The following SCYL3 variants were observed in gnomAD, a reference collection of about 807,000 sequenced individuals.
SCYL3 encodes SCY1 like pseudokinase 3, also known as protein-associating with the carboxyl-terminal domain of ezrin.
A neutral mutation model predicts 73.8 loss-of-function variants in SCYL3; 35 were observed. The observed-to-expected ratio is 0.47, with a 90% CI of 0.36 to 0.63. The LOEUF is 0.63. Ranked by LOEUF, SCYL3 falls within the 20% of genes least tolerant of loss-of-function variation. The pLI is 0.00. For missense variants in SCYL3, 712 were observed against 798.9 expected (o/e 0.89, Z 1.31); for synonymous variants, 277 against 295.2 (o/e 0.94, Z 0.63).
rs1658697564 is a variant in SCYL3 at position 169,853,509 on chromosome 1, T to C, written c.*204A>G. On this transcript the variant is annotated 3_prime_UTR_variant, in exon 13 of 13. Coordinates refer to ENST00000367771, the MANE Select transcript of SCYL3 (RefSeq NM_020423.7). ...AAAGGCTCTTCCTCCTGGAAACCAG[T>C]ACTGTGAGCCTCACCACCCAGGGCT... The C allele has an allele frequency of 1.8e-6, 1 of 556,036 alleles. No homozygotes were observed. Among genetic ancestry groups the C allele is most frequent in the African/African-American group, 1.9e-5 (1 of 52,082 alleles). 34.4% of individuals were successfully genotyped at this position (556,036 alleles called of 1,614,324 possible).
At chr1:169,870,518 A>C (rs1571416109) in intron 5 of SCYL3, among the ~76,000 whole-genome samples, 161 bp from the exon 6 acceptor site, 1 of 152,224 alleles carries the variant, frequency 6.6e-6, no homozygotes, top group South Asian at 2.1e-4. Context: ...TAGTGAATAG[A>C]ATTTGTTGAA....
At position 169,853,116 on chromosome 1, in the gene SCYL3, T is replaced by A. The variant is rs1162936983; in HGVS notation, c.*597A>T. On this transcript the variant is annotated 3_prime_UTR_variant, in exon 13 of 13. Coordinates refer to ENST00000367771, the MANE Select transcript of SCYL3 (RefSeq NM_020423.7). The stretch of plus-strand genomic sequence containing the variant: ...TAGTGAAAATAATCTTTATTTGACA[T>A]TTAGAGAACAGGATTGTGGGGAATA... The A allele has an allele frequency of 9.3e-6, 8 of 857,728 alleles. No homozygotes were observed. Among genetic ancestry groups the A allele is most frequent in the African/African-American group, 3.4e-5 (2 of 58,482 alleles). The allele number at this position is 857,728 out of a possible 1,614,324, so 53.1% of individuals were successfully genotyped here.
Position 169,854,581 on chromosome 1 carries a change from G to T in SCYL3, c.1696C>A (p.Pro566Thr), listed in dbSNP as rs781556718. 10 of 1,613,692 alleles carry T rather than the reference G, an allele frequency of 6.2e-6. No individual in the cohort carries two copies. Among genetic ancestry groups the T allele is most frequent in the Non-Finnish European group, 8.5e-6 (10 of 1,179,878 alleles). Residue 566 changes from proline (P) to threonine (T), a missense_variant, in exon 12 of 13, where the codon CCC (proline) becomes ACC (threonine). Transcript: ENST00000367771. ...CTTTGTACAAGGCTAATCTTTTGGG[G>T]TAAGCTTGATTTCCAAGGCATAGAC... ...EESMPWKSSLPQKISLVQRGD... is the reference protein window; with the variant it reads ...EESMPWKSSLTQKISLVQRGD...
At chr1:169,887,197 G>A (rs1661743660) in intron 2 of SCYL3, among the ~76,000 whole-genome samples, 1 of 152,140 alleles carries the variant, frequency 6.6e-6, no homozygotes, top group Non-Finnish European at 1.5e-5. Context: ...CTTAACAAGA[G>A]ACAAAGATGA....
chr1:169,853,970 T>C (rs973702830), intron 12 of SCYL3, 198 bp from the exon 13 acceptor site: 13 of 640,772 alleles, frequency 2.0e-5, no homozygotes, highest in Non-Finnish European at 2.9e-5. Flanking sequence ...AAAATAGCTT[T>C]TCAAAAACCA....
intron 9 of SCYL3, among the ~76,000 whole-genome samples, chr1:169,863,820 A>C (rs1033132681): frequency 6.6e-6 from 1 of 152,244 alleles, no homozygotes; most frequent in East Asian, 1.9e-4. Flanking sequence ...TAAGAAAATA[A>C]ATTCTGAAAG....
Position 169,855,120 on chromosome 1 carries a change from A to C in SCYL3, c.1313-156T>G, listed in dbSNP as rs536865400. On this transcript the variant is annotated intron_variant, in intron 11 of 12. Transcript: ENST00000367771. The stretch of plus-strand genomic sequence containing the variant: ...AAGAGATCCCAGCAGAACATTACTC[A>C]AGATCAACGATGTCACATGTTATCC... Among the ~76,000 whole-genome samples the C allele has an allele frequency of 4.9e-4, 74 of 152,340 alleles. 2 individuals are homozygous for C. In the South Asian group the frequency reaches 0.015, roughly 30 times the overall value.
chr1:169,892,062 G>T (rs1437223830), intron 1 of SCYL3, among the ~76,000 whole-genome samples: 3 of 152,166 alleles, frequency 2.0e-5, no homozygotes, highest in Non-Finnish European at 4.4e-5. Context: ...AACTTTGACA[G>T]AAGTCCACTG....
In SCYL3 at chr1:169,864,370, T is replaced by A. The variant is rs1298295710; in HGVS notation, c.954A>T (p.Lys318Asn). The A allele has an allele frequency of 6.2e-7, 1 of 1,613,242 alleles. No homozygotes were observed. The highest frequency in any genetic ancestry group is 1.3e-5 in the African/African-American group (1 of 74,880). Reference sequence around the variant, plus strand: ...ATAACACTTTGAAAAAGCATTCACCTTTTTTGGGGCCAAGCAGATAAGGAA... The same window carrying A: ...ATAACACTTTGAAAAAGCATTCACCATTTTTGGGGCCAAGCAGATAAGGAA... ...SFLPYLLGPK[K>N]DHAQGETPCL... Residue 318 changes from lysine (K) to asparagine (N), a missense_variant and splice_region_variant, in exon 9 of 13, where the codon AAA (lysine) becomes AAT (asparagine). By Grantham distance (94) the Lys-to-Asn change is moderately conservative. Around this residue, in one of 2 missense-constraint regions of SCYL3, gnomAD observed 342 missense variants for 448.1 expected, o/e 0.76. Transcript: ENST00000367771.
At chr1:169,890,652 A>C (rs1490738791) in intron 1 of SCYL3, among the ~76,000 whole-genome samples, 2 of 152,226 alleles carry the variant, frequency 1.3e-5, no homozygotes, top group African/African-American at 4.8e-5. Context: ...TAAAGGCTAA[A>C]GCTATCTAAA....
At chr1:169,880,314 G>C (rs1388699457) in intron 2 of SCYL3, among the ~76,000 whole-genome samples, 1 of 152,064 alleles carries the variant, frequency 6.6e-6, no homozygotes, top group Non-Finnish European at 1.5e-5. Flanking sequence ...GAATTTCAGT[G>C]AATATAAAAC....
intron 9 of SCYL3, 35 bp downstream of exon 9, chr1:169,864,334 C>A: frequency 1.2e-6 from 2 of 1,613,788 alleles, no homozygotes. Flanking sequence ...CACCAAACTT[C>A]TTAACTAGCA....
chr1:169,854,576 T>C lies in SCYL3; in HGVS notation c.1701A>G (p.Gln567=), dbSNP rs974598692. The part of the protein sequence containing the change: ...ESMPWKSSLP[Q]KISLVQRGDD... ...CCCCCCTTTGTACAAGGCTAATCTT[T>C]TGGGGTAAGCTTGATTTCCAAGGCA... Residue 567 remains glutamine, a synonymous_variant, in exon 12 of 13, where the codon CAA becomes CAG. Transcript: ENST00000367771. 28 of 1,613,702 alleles carry C rather than the reference T, an allele frequency of 1.7e-5. No individual in the cohort carries two copies. The highest frequency in any genetic ancestry group is 2.4e-5 in the Non-Finnish European group (28 of 1,179,880).
At chr1:169,873,787 T>C (rs1660600058) in intron 4 of SCYL3, 35 bp from the exon 5 acceptor site, 2 of 1,483,146 alleles carry the variant, frequency 1.3e-6, no homozygotes, top group African/African-American at 2.8e-5. Context: ...AAATGATTCA[T>C]ACATATGTTT....
At chr1:169,888,638 A>G in intron 2 of SCYL3, 38 bp downstream of exon 2, 1 of 1,529,212 alleles carries the variant, frequency 6.5e-7, no homozygotes, top group South Asian at 1.2e-5. Flanking sequence ...CAAGATAGTA[A>G]AAAGTACTAA....
chr1:169,882,312 A>G (rs1302679138), intron 2 of SCYL3, among the ~76,000 whole-genome samples: 3 of 152,100 alleles, frequency 2.0e-5, no homozygotes, highest in Non-Finnish European at 4.4e-5. Context: ...CCGGTGCTGC[A>G]CTCATTTTCT....
chr1:169,880,099 T>A (rs1056980006), intron 2 of SCYL3, among the ~76,000 whole-genome samples: 3 of 151,628 alleles, frequency 2.0e-5, no homozygotes, highest in Non-Finnish European at 4.4e-5. Context: ...GAAATCTCCA[T>A]CTCATAAAGA....
Position 169,850,373 on chromosome 1 carries a change from A to C in SCYL3, c.*3340T>G. The stretch of plus-strand genomic sequence containing the variant: ...ACTTTCTTTACATGGCTCATGTTTT[A>C]TTCTTTGTCCTATTTTTTTTTTTCC... On this transcript the variant is annotated 3_prime_UTR_variant, in exon 13 of 13. Transcript: ENST00000367771. The C allele has an allele frequency of 6.8e-7, 1 of 1,468,596 alleles. No homozygotes were observed. Among genetic ancestry groups the C allele is most frequent in the Non-Finnish European group, 9.4e-7 (1 of 1,064,468 alleles). The allele number at this position is 1,468,596 out of a possible 1,614,324, so 91.0% of individuals were successfully genotyped here. A position where few individuals can be genotyped will look rare whatever the true frequency, so the allele number is the denominator to read the frequency against.
chr1:169,882,132 G>T (rs1252146973), intron 2 of SCYL3, among the ~76,000 whole-genome samples: 2 of 152,322 alleles, frequency 1.3e-5, no homozygotes, highest in Non-Finnish European at 2.9e-5. Flanking sequence ...AGCGGGAACT[G>T]GGGCTGCCCA....
Sources: gnomAD v4.1 joint callset for allele counts (sites outside exome capture counted in the v4.1 genomes callset) on GRCh38, gnomAD v4.1.1 for gene constraint, gnomAD v4.1.1 regional missense constraint, MANE v1.5 for transcripts, NCBI Gene and HGNC (gene_info 2026-07-23, HGNC 2026-07-21) for gene names.